IGF2BP3: variants seen among roughly 807,000 people sequenced by gnomAD.
The protein encoded by IGF2BP3 is insulin-like growth factor 2 mRNA-binding protein 3.
IGF2BP3 carries 9 observed loss-of-function variants against 73.8 expected under a neutral mutation model. That is an observed-to-expected ratio of 0.12 (90% CI 0.07 to 0.21). The LOEUF (loss-of-function observed/expected upper bound fraction) is 0.21, where lower values mean the gene tolerates loss of function less well. Among genes scored for constraint, IGF2BP3 ranks in the 10% least tolerant of loss-of-function variants. The probability of loss-of-function intolerance (pLI) is 1.00; values close to 1 mark genes in which losing one functional copy is unlikely to be tolerated. For missense variants in IGF2BP3, 542 were observed against 714.0 expected (o/e 0.76, Z 2.75); for synonymous variants, 258 against 256.7 (o/e 1.01, Z -0.05).
At chr7:23,423,428 T>A (rs1787407079) in intron 2 of IGF2BP3, among the ~76,000 whole-genome samples, 1 of 152,256 alleles carries the variant, frequency 6.6e-6, no homozygotes, top group Admixed American at 6.5e-5. Flanking sequence ...ATTCATATTT[T>A]AATAGAGTGT....
At chr7:23,468,660 A>G in intron 1 of IGF2BP3, 118 bp from the exon 2 acceptor site, 1 of 993,102 alleles carries the variant, frequency 1.0e-6, no homozygotes, top group Non-Finnish European at 1.6e-6. Flanking sequence ...AGGGCCCCCG[A>G]GGCCCGGACG....
At chr7:23,357,973 T>C (rs1011276703) in intron 5 of IGF2BP3, among the ~76,000 whole-genome samples, 3 of 152,222 alleles carry the variant, frequency 2.0e-5, no homozygotes, top group Admixed American at 6.5e-5. Flanking sequence ...GGAAATGAAG[T>C]ATACCAAACA....
intron 3 of IGF2BP3, among the ~76,000 whole-genome samples, chr7:23,389,301 C>T (rs1418098475): frequency 6.6e-6 from 1 of 151,928 alleles, no homozygotes; most frequent in Non-Finnish European, 1.5e-5. Context: ...GGTGGGATTA[C>T]AGGCACACGC....
intron 2 of IGF2BP3, among the ~76,000 whole-genome samples, chr7:23,432,041 A>C (rs1190131649): frequency 6.6e-6 from 1 of 152,192 alleles, no homozygotes; most frequent in Non-Finnish European, 1.5e-5. Flanking sequence ...TCTAAGTGAG[A>C]ATCTAAACAT....
intron 10 of IGF2BP3, among the ~76,000 whole-genome samples, chr7:23,336,372 C>T (rs932442103): frequency 6.6e-6 from 1 of 151,886 alleles, no homozygotes; most frequent in Non-Finnish European, 1.5e-5. Context: ...AGTATAGATA[C>T]CAGAATGCAG....
chr7:23,325,235 A>G (rs371219325), intron 10 of IGF2BP3, among the ~76,000 whole-genome samples: 23,340 of 151,720 alleles, frequency 0.15, 4,563 homozygotes, highest in African/African-American at 0.46. Context: ...CTCAGGATAC[A>G]AAATCAATGT....
intron 3 of IGF2BP3, among the ~76,000 whole-genome samples, chr7:23,393,331 A>G (rs1786345417): frequency 6.6e-6 from 1 of 152,222 alleles, no homozygotes; most frequent in African/African-American, 2.4e-5. Context: ...GTTATTATTA[A>G]TAACTAAAAG....
intron 3 of IGF2BP3, among the ~76,000 whole-genome samples, chr7:23,391,052 G>A (rs1254721087): frequency 6.6e-6 from 1 of 150,570 alleles, no homozygotes; most frequent in African/African-American, 2.4e-5. Context: ...GCCCGTCTCG[G>A]CCTCCCAAAG....
At chr7:23,370,708 T>TA (rs1337793238) in intron 3 of IGF2BP3, among the ~76,000 whole-genome samples, 4 of 151,946 alleles carry the variant, frequency 2.6e-5, no homozygotes, top group African/African-American at 9.7e-5. Context: ...GACAGAGTCT[T>TA]GCTCTGTCAC....
intron 13 of IGF2BP3, 110 bp downstream of exon 13, chr7:23,313,412 G>T: frequency 8.0e-7 from 1 of 1,245,686 alleles, no homozygotes; most frequent in Non-Finnish European, 1.1e-6. Context: ...CCTTGGTCAA[G>T]ATGGTCCTGC....
At chr7:23,371,694 A>G (rs1001306200) in intron 3 of IGF2BP3, among the ~76,000 whole-genome samples, 1 of 152,206 alleles carries the variant, frequency 6.6e-6, no homozygotes, top group Non-Finnish European at 1.5e-5. Context: ...TTTATCATCG[A>G]AAAGCCCCAG....
intron 5 of IGF2BP3, among the ~76,000 whole-genome samples, chr7:23,358,141 C>T (rs1785142331): frequency 6.6e-6 from 1 of 152,198 alleles, no homozygotes. Context: ...CAGTTATTCC[C>T]ATTTTAGAAA....
chr7:23,412,637 C>G, intron 3 of IGF2BP3, among the ~76,000 whole-genome samples: 1 of 152,082 alleles, frequency 6.6e-6, no homozygotes. Context: ...AAAATGACAA[C>G]CTTCCTTGCC....
intron 2 of IGF2BP3, among the ~76,000 whole-genome samples, chr7:23,466,966 T>C (rs1192128828): frequency 6.6e-6 from 1 of 152,256 alleles, no homozygotes; most frequent in African/African-American, 2.4e-5. Context: ...CAATTAGAAT[T>C]TGTAAAATGG....
In IGF2BP3 at chr7:23,450,942, T is replaced by C. The variant is rs566026456; in HGVS notation, c.236+17540A>G. Among the ~76,000 whole-genome samples the C allele has an allele frequency of 5.9e-5, 9 of 152,294 alleles. No homozygotes were observed. The East Asian group carries it at 1.7e-3, about 29-fold the overall frequency. ...CATATTTTGATGTAGCACCAAAGAA[T>C]ATCTGTAATTATTTATACTCCTTCC... On this transcript the variant is annotated intron_variant, in intron 2 of 14. Transcript: ENST00000258729.
At chr7:23,368,857 A>G (rs1422869889) in intron 3 of IGF2BP3, among the ~76,000 whole-genome samples, 1 of 151,822 alleles carries the variant, frequency 6.6e-6, no homozygotes, top group Non-Finnish European at 1.5e-5. Context: ...AGATGGCGCC[A>G]TTGCACTCCA....
chr7:23,379,062 G>A (rs1785824330), intron 3 of IGF2BP3, among the ~76,000 whole-genome samples: 1 of 152,206 alleles, frequency 6.6e-6, no homozygotes, highest in South Asian at 2.1e-4. Context: ...CGGACTAGTG[G>A]AGTCCCTCCC....
chr7:23,346,251 C>G, intron 7 of IGF2BP3, 189 bp from the exon 8 acceptor site: 1 of 542,892 alleles, frequency 1.8e-6, no homozygotes, highest in Non-Finnish European at 3.2e-6. Flanking sequence ...AGAAAAAATA[C>G]AGAAGTTAAC....
rs1783801242 is a variant in IGF2BP3 at position 23,310,643 on chromosome 7, A to AC, written c.*1718dup. On this transcript the variant is annotated 3_prime_UTR_variant, in exon 15 of 15. Transcript: ENST00000258729. Reference sequence around the variant, plus strand: ...AGGAGAATCCAGTGACAAAAAGGGCACTTTTTTGGTTAAAACTACAAAAGA... The same window carrying AC: ...AGGAGAATCCAGTGACAAAAAGGGCACCTTTTTTGGTTAAAACTACAAAAGA... 6.6e-6 allele frequency: 1 copy of AC among 152,220 alleles called. No homozygotes were observed. Among genetic ancestry groups the AC allele is most frequent in the South Asian group, 2.1e-4 (1 of 4,834 alleles). 9.4% of individuals were successfully genotyped at this position (152,220 alleles called of 1,614,324 possible).
Sources: gnomAD v4.1 joint callset for allele counts (sites outside exome capture counted in the v4.1 genomes callset) on GRCh38, gnomAD v4.1.1 for gene constraint, MANE v1.5 for transcripts, NCBI Gene and HGNC (gene_info 2026-07-23, HGNC 2026-07-21) for gene names.